The following ZNF606 variants were observed in gnomAD, a reference collection of about 807,000 sequenced individuals.
ZNF606 encodes zinc finger protein 606.
Under a neutral mutation model 74.9 loss-of-function variants are expected in ZNF606, and 37 were observed. The observed-to-expected ratio is 0.49, with a 90% CI of 0.38 to 0.65. ZNF606 has a LOEUF of 0.65. ZNF606 is among the 30% of genes least tolerant of loss of function. ZNF606 has a pLI of 0.00. For synonymous variants in ZNF606, 328 were observed against 312.4 expected (o/e 1.05, Z -0.53); for missense variants, 852 against 952.9 (o/e 0.89, Z 1.39).
chr19:58,002,919 C>T (rs757518315), upstream of ZNF606: 1 of 448,224 alleles, frequency 2.2e-6, no homozygotes, highest in South Asian at 1.6e-5. Context: ...GCCGCGCCGC[C>T]TCGCCCTGCC....
At chr19:57,988,903 T>A (rs11880378) in intron 4 of ZNF606, among the ~76,000 whole-genome samples, 182 bp from the exon 5 acceptor site, 120 of 149,618 alleles carry the variant, frequency 8.0e-4, no homozygotes, top group Non-Finnish European at 1.5e-3. Context: ...CTCATATTTG[T>A]TATATACTCT....
At position 58,002,646 on chromosome 19, in the gene ZNF606, G is replaced by T. The variant is rs571484868; in HGVS notation, c.-302C>A. On this transcript the variant is annotated 5_prime_UTR_variant, in exon 1 of 7. Coordinates refer to ENST00000551380, the MANE Select transcript of ZNF606 (RefSeq NM_001348022.3). ...GCAGGCTGCTGGCTGGAGAACCGAC[G>T]GCAACGACGGCGCAAAGCCGGCGCG... is the stretch of plus-strand genomic sequence containing the variant. 1 of 453,438 alleles carries T rather than the reference G, an allele frequency of 2.2e-6. No homozygotes were observed. The highest frequency in any genetic ancestry group is 4.4e-6 in the Non-Finnish European group (1 of 225,644). 28.1% of individuals were successfully genotyped at this position (453,438 alleles called of 1,614,324 possible). A position where few individuals can be genotyped will look rare whatever the true frequency, so the allele number is the denominator to read the frequency against.
upstream of ZNF606, chr19:58,003,177 T>C (rs1287956831): frequency 4.4e-6 from 2 of 451,256 alleles, no homozygotes; most frequent in Non-Finnish European, 9.0e-6. Context: ...GTTCGCAAGA[T>C]TGTGAGAAAG....
intron 4 of ZNF606, among the ~76,000 whole-genome samples, chr19:57,992,864 C>A (rs1398602084): frequency 1.3e-5 from 2 of 152,222 alleles, no homozygotes; most frequent in Non-Finnish European, 2.9e-5. Flanking sequence ...TGGGTGCTTG[C>A]AGCAGGCTGA....
chr19:58,000,852 C>T, intron 2 of ZNF606, 113 bp from the exon 3 acceptor site: 19 of 1,010,608 alleles, frequency 1.9e-5, no homozygotes, highest in Non-Finnish European at 2.7e-5. Flanking sequence ...ATAAACAGAG[C>T]CCAAGGGTGT....
rs775533551 is a variant in ZNF606 at position 57,980,245 on chromosome 19, G to T, written c.435C>A (p.Ile145=). The T allele has an allele frequency of 1.9e-6, 3 of 1,611,404 alleles. No homozygotes were observed. The Admixed American group carries it at 5.0e-5, about 27-fold the overall frequency. The change falls in exon 7 of 7, where the codon ATC becomes ATA. Residue 145 remains isoleucine (I), a synonymous_variant. Coordinates refer to ENST00000551380, the MANE Select transcript of ZNF606 (RefSeq NM_001348022.3). ...CTTCCTCAAAAATGCTCTGTGCTGG[G>T]ATCAATGCTTTGCTTTCAAGATTTC... ...WVRNLESKAL[I]PAQSIFEEEQ...
At position 57,999,908 on chromosome 19, in the gene ZNF606, G is replaced by A; in HGVS notation, c.89-12C>T. The A allele has an allele frequency of 6.2e-7, 1 of 1,611,656 alleles. No individual in the cohort carries two copies. Among genetic ancestry groups the A allele is most frequent in the African/African-American group, 1.3e-5 (1 of 74,908 alleles). ...CTGAGGACACAGAGCTAGGAAACGAGAAAAAAGTCATGGAGGCAGCTCTCG... is the reference window on the plus strand; with the variant it reads ...CTGAGGACACAGAGCTAGGAAACGAAAAAAAAGTCATGGAGGCAGCTCTCG... On this transcript the variant is annotated splice_polypyrimidine_tract_variant and intron_variant, in intron 3 of 6. Transcript: ENST00000551380.
At chr19:58,002,856 C>A, upstream of ZNF606, 1 of 437,660 alleles carries the variant, frequency 2.3e-6, no homozygotes. Flanking sequence ...AGCTGTAGTT[C>A]CAGGCGGGCA....
In ZNF606 at chr19:57,980,144, C is replaced by T; in HGVS notation, c.536G>A (p.Cys179Tyr). Residue 179 changes from cysteine to tyrosine, a missense_variant, in exon 7 of 7, where the codon TGT becomes TAT. By Grantham distance (194) the Cys-to-Tyr change is radical. Coordinates refer to ENST00000551380, the MANE Select transcript of ZNF606 (RefSeq NM_001348022.3). ...GTGGTACATTTCTAATTGGTCTTTA[C>T]ATCCCAAAACTTCTAACCTGGAGAA... is the stretch of plus-strand genomic sequence containing the variant. The part of the protein sequence containing the change: ...PWFSRLEVLG[C>Y]KDQLEMYHMN... 1 of 1,614,144 alleles carries T rather than the reference C, an allele frequency of 6.2e-7. No individual in the cohort carries two copies.
In ZNF606 at chr19:57,978,115, T is replaced by C; in HGVS notation, c.*186A>G. 1.8e-6 allele frequency: 1 copy of C among 556,076 alleles called. No homozygotes were observed. The highest frequency in any genetic ancestry group is 3.8e-5 in the South Asian group (1 of 26,524). 34.4% of individuals were successfully genotyped at this position (556,076 alleles called of 1,614,324 possible). A position where few individuals can be genotyped will look rare whatever the true frequency, so the allele number is the denominator to read the frequency against. On this transcript the variant is annotated 3_prime_UTR_variant, in exon 7 of 7. Transcript: ENST00000551380. The surrounding 1 kb of genome is among the most constrained non-coding windows in gnomAD (Gnocchi z 4.4). ...TATCTGATTTTGAGTAAGGGCTAAA[T>C]AACTGCTGAAAGCTTTTCCCTATTC... is the stretch of plus-strand genomic sequence containing the variant.
At position 57,979,750 on chromosome 19, in the gene ZNF606, A is replaced by C; in HGVS notation, c.930T>G (p.Ile310Met). ...ATTCATAGAGTTTTTCTCCTGTGTG[A>C]ATTCCTTTATGATCACCAAAATGTA... is the stretch of plus-strand genomic sequence containing the variant. Reference protein sequence around the residue: ...HIIHFGDHKGIHTGEKLYEYK... With the variant: ...HIIHFGDHKGMHTGEKLYEYK... The change falls in exon 7 of 7, where the codon ATT (isoleucine) becomes ATG (methionine). Residue 310 changes from isoleucine (I) to methionine (M), a missense_variant. Transcript: ENST00000551380. 1 of 1,613,412 alleles carries C rather than the reference A, an allele frequency of 6.2e-7. No individual in the cohort carries two copies. The highest frequency in any genetic ancestry group is 2.2e-5 in the East Asian group (1 of 44,858).
At chr19:57,994,858 G>A (rs1005080310) in intron 4 of ZNF606, among the ~76,000 whole-genome samples, 14 of 152,262 alleles carry the variant, frequency 9.2e-5, no homozygotes, top group African/African-American at 3.4e-4. Flanking sequence ...TCGCCCCCTT[G>A]TAGAGACATG....
At chr19:57,990,251 G>A (rs1600222061) in intron 4 of ZNF606, among the ~76,000 whole-genome samples, 1 of 151,200 alleles carries the variant, frequency 6.6e-6, no homozygotes, top group Non-Finnish European at 1.5e-5. Context: ...TGTTGTCCCA[G>A]CTACTCGGGA....
rs2073058904 is a variant in ZNF606 at position 57,980,015 on chromosome 19, T to C, written c.665A>G (p.Asn222Ser). The change falls in exon 7 of 7, where the codon AAC becomes AGC. Residue 222 changes from asparagine to serine, a missense_variant. By Grantham distance (46) the Asn-to-Ser change is conservative. This residue lies in a region of ZNF606 where 545 missense variants were observed against 542.5 expected (regional missense o/e 1.00). Transcript: ENST00000551380. ...FCGLGAEFSQ[N>S]LNFVPSQRVS... ...TCTCTGAGATGGAACAAAGTTTAAG[T>C]TCTGGCTAAACTCTGCCCCAAGTCC... The C allele has an allele frequency of 6.2e-7, 1 of 1,613,558 alleles. No individual in the cohort carries two copies. Among genetic ancestry groups the C allele is most frequent in the Admixed American group, 1.7e-5 (1 of 60,010 alleles).
intron 1 of ZNF606, among the ~76,000 whole-genome samples, 196 bp from the exon 2 acceptor site, chr19:58,001,566 G>A (rs920886610): frequency 6.6e-6 from 1 of 152,218 alleles, no homozygotes; most frequent in African/African-American, 2.4e-5. Flanking sequence ...CTGGAAAAAA[G>A]AGCATGATCC....
chr19:57,978,699 A>G lies in ZNF606; in HGVS notation c.1981T>C (p.Phe661Leu), dbSNP rs2073027368. Residue 661 changes from phenylalanine to leucine, a missense_variant, in exon 7 of 7, where the codon TTC becomes CTC. By Grantham distance (22) the Phe-to-Leu change is conservative (BLOSUM62 0). Transcript: ENST00000551380. The surrounding 1 kb of genome is among the most constrained non-coding windows in gnomAD (Gnocchi z 4.4). ...GCAACAAGGTGACAGCTCTGACTGA[A>G]GGATTTTCCACATTTATTGCATTCA... ...PYECNKCGKS[F>L]SQSCHLVAHR... The G allele has an allele frequency of 6.2e-7, 1 of 1,614,082 alleles. No homozygotes were observed. The highest frequency in any genetic ancestry group is 1.3e-5 in the African/African-American group (1 of 74,946).
chr19:57,987,767 G>T (rs977818277), intron 6 of ZNF606, among the ~76,000 whole-genome samples: 3 of 152,192 alleles, frequency 2.0e-5, no homozygotes, highest in African/African-American at 7.2e-5. Context: ...GGCAGAGGTT[G>T]CAGTGAGCCG....
chr19:58,000,334 G>A (rs1338522918), intron 3 of ZNF606: 2 of 517,854 alleles, frequency 3.9e-6, no homozygotes, highest in Non-Finnish European at 6.8e-6. Flanking sequence ...CCATTCTCCT[G>A]CCTCAGCCTC....
intron 4 of ZNF606, 160 bp downstream of exon 4, chr19:57,999,648 A>C: frequency 4.5e-6 from 3 of 668,788 alleles, no homozygotes; most frequent in East Asian, 2.7e-5. Flanking sequence ...ATCACTAAAA[A>C]CGGCCTAATT....
Sources: allele counts gnomAD v4.1 joint callset (sites outside exome capture counted in the v4.1 genomes callset), GRCh38; gene constraint gnomAD v4.1.1; regional missense constraint gnomAD v4.1.1; non-coding constraint Gnocchi (gnomAD v3.1); transcripts MANE v1.5; gene names NCBI Gene and HGNC (gene_info 2026-07-23, HGNC 2026-07-21).